The following PTK2B variants were observed in gnomAD, a reference collection of about 807,000 sequenced individuals.
PTK2B encodes the protein protein-tyrosine kinase 2-beta.
Under a neutral mutation model 142.9 loss-of-function variants are expected in PTK2B, and 71 were observed. That is an observed-to-expected ratio of 0.50 (90% confidence interval 0.41 to 0.61). The LOEUF is 0.61. PTK2B is among the 20% of genes least tolerant of loss of function. PTK2B has a pLI of 0.00. For missense variants in PTK2B, 1,105 were observed against 1,320.4 expected, an observed-to-expected ratio of 0.84 and a Z score of 2.53; for synonymous variants, 519 against 503.4, an observed-to-expected ratio of 1.03 and a Z score of -0.42.
intron 5 of PTK2B, among the ~76,000 whole-genome samples, chr8:27,423,204 A>G (rs1809869015): frequency 6.6e-6 from 1 of 152,128 alleles, no homozygotes; most frequent in African/African-American, 2.4e-5. Context: ...AATAGGCCTT[A>G]TTCTTAGCTG....
At chr8:27,361,883 T>G (rs1363957706) in intron 1 of PTK2B, among the ~76,000 whole-genome samples, 2 of 152,198 alleles carry the variant, frequency 1.3e-5, no homozygotes, top group Non-Finnish European at 1.5e-5. Flanking sequence ...ACCCCGATGA[T>G]GCAGACAGCC....
chr8:27,326,359 G>A (rs542345331), intron 1 of PTK2B, among the ~76,000 whole-genome samples: 4 of 152,268 alleles, frequency 2.6e-5, no homozygotes, highest in East Asian at 3.9e-4. Context: ...CAGGCTGCGC[G>A]TGGGCACCGC....
chr8:27,363,499 A>G lies in PTK2B; in HGVS notation c.-37-34049A>G, dbSNP rs1805838986. Among the ~76,000 whole-genome samples, 1 of 152,168 alleles carries G rather than the reference A, an allele frequency of 6.6e-6. No individual in the cohort carries two copies. The highest frequency in any genetic ancestry group is 1.5e-5 in the Non-Finnish European group (1 of 68,028). ...GAAATGTTGAGAGAGTGAGTTTCTC[A>G]TCACTAGAAGAATTCAAGCAGGAAG... On this transcript the variant is annotated intron_variant, in intron 1 of 30. Transcript: ENST00000346049. This position sits in a 1 kb window ranked among gnomAD's most constrained non-coding sequence, Gnocchi z 4.3.
At chr8:27,389,075 A>G (rs1405993366) in intron 1 of PTK2B, among the ~76,000 whole-genome samples, 1 of 152,148 alleles carries the variant, frequency 6.6e-6, no homozygotes, top group Non-Finnish European at 1.5e-5. Flanking sequence ...ATCTGGTCCC[A>G]TGCTTAGAGT....
At chr8:27,375,853 G>A (rs1586187893) in intron 1 of PTK2B, among the ~76,000 whole-genome samples, 1 of 152,340 alleles carries the variant, frequency 6.6e-6, no homozygotes, top group Non-Finnish European at 1.5e-5. Flanking sequence ...GGCTGCACTG[G>A]TGAGCAGGGT....
At chr8:27,396,596 T>G (rs919492) in intron 1 of PTK2B, among the ~76,000 whole-genome samples, 57,414 of 152,154 alleles carry the variant, frequency 0.38, 11,512 homozygotes, top group Middle Eastern at 0.5. Context: ...AAAGCTTCCC[T>G]AGTGATTATG....
intron 1 of PTK2B, among the ~76,000 whole-genome samples, chr8:27,355,074 G>A (rs1392504666): frequency 6.6e-6 from 1 of 152,150 alleles, no homozygotes; most frequent in Non-Finnish European, 1.5e-5. Flanking sequence ...CTAATACTCT[G>A]CTACAGGCTG....
intron 1 of PTK2B, among the ~76,000 whole-genome samples, chr8:27,375,734 C>T (rs1251172510): frequency 6.6e-6 from 1 of 152,210 alleles, no homozygotes; most frequent in Admixed American, 6.5e-5. Context: ...CACCTCCCTC[C>T]TCCCCAGTTA....
intron 5 of PTK2B, among the ~76,000 whole-genome samples, chr8:27,426,583 C>T (rs1810099372): frequency 6.6e-6 from 1 of 151,962 alleles, no homozygotes; most frequent in South Asian, 2.1e-4. Flanking sequence ...TGTTCAGTTG[C>T]TCCAAGACAT....
Position 27,430,137 on chromosome 8 carries a change from C to A in PTK2B, c.596C>A (p.Ser199Tyr). The part of the protein sequence containing the change: ...DMPHNALDKK[S>Y]NFELLEKEVG... ...CCCCACAATGCACTTGACAAGAAGT[C>A]CAACTTCGAGCTCCTAGAGTAAGTT... Residue 199 changes from serine to tyrosine, a missense_variant, in exon 6 of 31, where the codon TCC (serine) becomes TAC (tyrosine). By Grantham distance (144) the Ser-to-Tyr change is moderately radical. Coordinates refer to ENST00000346049, the MANE Select transcript of PTK2B (RefSeq NM_173176.3). 6.2e-7 allele frequency: 1 copy of A among 1,613,836 alleles called. No individual in the cohort carries two copies. The highest frequency in any genetic ancestry group is 8.5e-7 in the Non-Finnish European group (1 of 1,179,718).
At chr8:27,313,618 C>T (rs945052058) in intron 3 of PTK2B, among the ~76,000 whole-genome samples, 8 of 152,138 alleles carry the variant, frequency 5.3e-5, no homozygotes, top group African/African-American at 1.9e-4. Context: ...CCTCCCTATG[C>T]TTGGGAGGTG....
chr8:27,415,891 A>G (rs1050349693), intron 2 of PTK2B, among the ~76,000 whole-genome samples: 8 of 152,042 alleles, frequency 5.3e-5, no homozygotes, highest in Non-Finnish European at 1.2e-4. Flanking sequence ...GAAGACCTAA[A>G]TAAATAGAGA....
At chr8:27,389,667 C>A (rs75181923) in intron 1 of PTK2B, among the ~76,000 whole-genome samples, 25 of 152,306 alleles carry the variant, frequency 1.6e-4, no homozygotes, top group South Asian at 4.1e-4. Context: ...TCAACAAATG[C>A]GTTTTGTATT....
intron 24 of PTK2B, among the ~76,000 whole-genome samples, chr8:27,447,910 C>T (rs1478448001): frequency 6.6e-6 from 1 of 152,188 alleles, no homozygotes; most frequent in Non-Finnish European, 1.5e-5. Flanking sequence ...AACAGTAGGG[C>T]TTGCTGTGAT....
At chr8:27,398,874 C>T (rs954626506) in intron 2 of PTK2B, among the ~76,000 whole-genome samples, 2 of 152,234 alleles carry the variant, frequency 1.3e-5, no homozygotes, top group Non-Finnish European at 2.9e-5. Context: ...CTTCCACACA[C>T]CAGAGCAGAG....
chr8:27,432,518 CA>C (rs1306164100), intron 10 of PTK2B, among the ~76,000 whole-genome samples, 157 bp downstream of exon 10: 3 of 152,098 alleles, frequency 2.0e-5, no homozygotes, highest in Non-Finnish European at 4.4e-5. Context: ...AGTTCTTAGA[CA>C]AAAGGTACCA....
chr8:27,458,649 T>TCCCCAC lies in PTK2B; in HGVS notation c.*144_*149dup. ...CCTTGCCACTTTGCACGACGCCCTC[T>TCCCCAC]CCCCACCCCTACCCCTGGCTGTACT... On this transcript the variant is annotated 3_prime_UTR_variant, in exon 31 of 31. Transcript: ENST00000346049. The TCCCCAC allele has an allele frequency of 1.2e-6, 1 of 811,892 alleles. No individual in the cohort carries two copies. The highest frequency in any genetic ancestry group is 2.0e-6 in the Non-Finnish European group (1 of 511,690). The allele number at this position is 811,892 out of a possible 1,614,324, so 50.3% of individuals were successfully genotyped here. A position where few individuals can be genotyped will look rare whatever the true frequency, so the allele number is the denominator to read the frequency against.
At position 27,434,469 on chromosome 8, in the gene PTK2B, C is replaced by A. The variant is rs771097252; in HGVS notation, c.1146-44C>A. 1.3e-6 allele frequency: 2 copies of A among 1,582,118 alleles called. 1 individual carries two copies. Among genetic ancestry groups the A allele is most frequent in the Admixed American group, 3.5e-5 (2 of 56,856 alleles). On this transcript the variant is annotated intron_variant, in intron 12 of 30. Coordinates refer to ENST00000346049, the MANE Select transcript of PTK2B (RefSeq NM_173176.3). ...CCGAGGCTGCCCAGGGGAACATTAC[C>A]GGCCTCTGAGCTCACCTGGCTTCTG...
intron 2 of PTK2B, among the ~76,000 whole-genome samples, chr8:27,412,477 C>T (rs1364340447): frequency 1.3e-5 from 2 of 152,164 alleles, no homozygotes; most frequent in Non-Finnish European, 2.9e-5. Context: ...TCATCAAATT[C>T]TTTATGATAC....
Sources: gnomAD v4.1 joint callset for allele counts (sites outside exome capture counted in the v4.1 genomes callset) on GRCh38, gnomAD v4.1.1 for gene constraint, Gnocchi (gnomAD v3.1) non-coding constraint, MANE v1.5 for transcripts, NCBI Gene and HGNC (gene_info 2026-07-23, HGNC 2026-07-21) for gene names.